The following RBFOX3 variants were observed in gnomAD, a reference collection of about 807,000 sequenced individuals.
The protein encoded by RBFOX3 is RNA binding fox-1 homolog 3.
RBFOX3 carries 17 observed loss-of-function variants against 48.7 expected under a neutral mutation model. That is an observed-to-expected ratio of 0.35 (90% CI 0.24 to 0.52). RBFOX3 has a LOEUF of 0.52. Among genes scored for constraint, RBFOX3 ranks in the 20% least tolerant of loss-of-function variants. The pLI is 0.94. For missense variants in RBFOX3, 382 were observed against 497.5 expected, an observed-to-expected ratio of 0.77 and a Z score of 2.21; for synonymous variants, 212 against 209.5, an observed-to-expected ratio of 1.01 and a Z score of -0.10.
chr17:79,208,684 G>A (rs1357784822), intron 4 of RBFOX3: 2 of 154,482 alleles, frequency 1.3e-5, no homozygotes, highest in East Asian at 1.8e-4. Flanking sequence ...GGAGGCTCTT[G>A]GTGGAGAGAT....
chr17:79,282,239 T>C (rs566483094), intron 3 of RBFOX3, among the ~76,000 whole-genome samples: 4 of 151,986 alleles, frequency 2.6e-5, no homozygotes, highest in East Asian at 1.9e-4. Context: ...CATGAGAAGG[T>C]TGATTGAGAA....
At chr17:79,321,136 C>T (rs1380863533) in intron 2 of RBFOX3, among the ~76,000 whole-genome samples, 1 of 152,176 alleles carries the variant, frequency 6.6e-6, no homozygotes, top group African/African-American at 2.4e-5. Flanking sequence ...TTGAGATGGT[C>T]TAAAGCACAG....
chr17:79,507,349 T>A (rs2083312418), intron 1 of RBFOX3, among the ~76,000 whole-genome samples: 1 of 152,140 alleles, frequency 6.6e-6, no homozygotes. Flanking sequence ...AGTATAGGCC[T>A]AAGCAGGGCC....
intron 1 of RBFOX3, among the ~76,000 whole-genome samples, chr17:79,489,754 G>GAACCA (rs2080213515): frequency 6.6e-6 from 1 of 152,142 alleles, no homozygotes; most frequent in Admixed American, 6.5e-5. Flanking sequence ...TCTTACACTA[G>GAACCA]CTTCTCCCTG....
At chr17:79,326,740 C>T (rs2079391326) in intron 2 of RBFOX3, among the ~76,000 whole-genome samples, 2 of 152,294 alleles carry the variant, frequency 1.3e-5, no homozygotes, top group South Asian at 4.1e-4. Context: ...GACCTCCCAC[C>T]CTCTAATGTG....
At chr17:79,628,716 A>G in the RBFOX3 span, among the ~76,000 whole-genome samples, 1 of 152,100 alleles carries the variant, frequency 6.6e-6, no homozygotes, top group East Asian at 1.9e-4. Context: ...GTCTCCCACC[A>G]CTGGACTTTG....
intron 3 of RBFOX3, chr17:79,298,117 G>C (rs535331072): frequency 6.6e-6 from 1 of 152,238 alleles, no homozygotes; most frequent in Non-Finnish European, 1.5e-5. Flanking sequence ...AGGAGCACTG[G>C]AGATGTCTTC....
chr17:79,621,943 C>T, the RBFOX3 span, among the ~76,000 whole-genome samples: 1 of 152,170 alleles, frequency 6.6e-6, no homozygotes, highest in African/African-American at 2.4e-5. Flanking sequence ...GGATAAGGGA[C>T]AGGCTGCAGA....
intron 1 of RBFOX3, among the ~76,000 whole-genome samples, chr17:79,609,021 C>A (rs1299670492): frequency 2.6e-5 from 4 of 151,816 alleles, no homozygotes; most frequent in Non-Finnish European, 5.9e-5. Context: ...CATCAGGCAG[C>A]GCCTTCTCGA....
At chr17:79,525,094 G>A (rs1350438631) in intron 1 of RBFOX3, among the ~76,000 whole-genome samples, 2 of 152,238 alleles carry the variant, frequency 1.3e-5, no homozygotes, top group Admixed American at 6.5e-5. Flanking sequence ...CCAACCTTTC[G>A]GGGTGCCCTG....
chr17:79,152,075 C>G (rs868097965), intron 4 of RBFOX3, among the ~76,000 whole-genome samples: 1 of 152,030 alleles, frequency 6.6e-6, no homozygotes, highest in Admixed American at 6.5e-5. Context: ...GGGCTCCCCC[C>G]ACCCACCAGT....
At chr17:79,557,537 G>A (rs1269124384) in intron 1 of RBFOX3, among the ~76,000 whole-genome samples, 1 of 152,224 alleles carries the variant, frequency 6.6e-6, no homozygotes, top group Non-Finnish European at 1.5e-5. Flanking sequence ...GTGGTGGGGG[G>A]AAAGGGGGGA....
chr17:79,490,171 G>T (rs2080281502), intron 1 of RBFOX3, among the ~76,000 whole-genome samples: 1 of 152,118 alleles, frequency 6.6e-6, no homozygotes, highest in Non-Finnish European at 1.5e-5. Context: ...GTGGGAGTCG[G>T]TGACAATTTT....
chr17:79,565,313 TAAG>T (rs2144352185), intron 1 of RBFOX3, among the ~76,000 whole-genome samples: 1 of 152,004 alleles, frequency 6.6e-6, no homozygotes, highest in East Asian at 1.9e-4. Context: ...AAATATTTTT[TAAG>T]AAGCAAACAA....
At chr17:79,428,181 C>A (rs2067733181) in intron 2 of RBFOX3, among the ~76,000 whole-genome samples, 1 of 152,286 alleles carries the variant, frequency 6.6e-6, no homozygotes, top group African/African-American at 2.4e-5. Context: ...GCCTGGTGCA[C>A]TGTAGGTGGC....
intron 3 of RBFOX3, among the ~76,000 whole-genome samples, chr17:79,245,047 T>C (rs1483108802): frequency 6.9e-6 from 1 of 145,162 alleles, no homozygotes; most frequent in Non-Finnish European, 1.5e-5. Context: ...CCCCTCCCCT[T>C]CCCTCCTCTC....
intron 1 of RBFOX3, among the ~76,000 whole-genome samples, chr17:79,500,037 A>G (rs1313300118): frequency 6.6e-6 from 1 of 152,150 alleles, no homozygotes; most frequent in Non-Finnish European, 1.5e-5. Context: ...AGCCTAGGCG[A>G]GAAGAAGCCT....
intron 2 of RBFOX3, among the ~76,000 whole-genome samples, chr17:79,377,632 G>C (rs28360927): frequency 0.48 from 73,348 of 152,052 alleles, 17,935 homozygotes; most frequent in East Asian, 0.65. Context: ...GAGCCAGAAC[G>C]GCATTGTGTC....
chr17:79,138,763 CAA>C (rs1491442090), intron 4 of RBFOX3, among the ~76,000 whole-genome samples: 3 of 105,502 alleles, frequency 2.8e-5, no homozygotes, highest in African/African-American at 1.1e-4. Flanking sequence ...CCACCATCCA[CAA>C]ACATGCACAC....
Sources: gnomAD v4.1 joint callset for allele counts (sites outside exome capture counted in the v4.1 genomes callset) on GRCh38, gnomAD v4.1.1 for gene constraint, MANE v1.5 for transcripts, NCBI Gene and HGNC (gene_info 2026-07-23, HGNC 2026-07-21) for gene names.